The following CSMD1 variants were observed in gnomAD, a reference collection of about 807,000 sequenced individuals.
The protein encoded by CSMD1 is CUB and sushi domain-containing protein 1.
CSMD1 carries 213 observed loss-of-function variants against 417.5 expected under a neutral mutation model. The ratio of observed to expected loss-of-function variants is 0.51; its 90% confidence interval spans 0.46 to 0.57. CSMD1 has a LOEUF of 0.57. Ranked by LOEUF, CSMD1 falls within the 20% of genes least tolerant of loss-of-function variation. The probability of loss-of-function intolerance (pLI) is 0.00; values close to 1 mark genes in which losing one functional copy is unlikely to be tolerated. For synonymous variants in CSMD1, 2,862 were observed against 1,736.8 expected (o/e 1.65, Z -16.11); for missense variants, 6,923 against 4,529.7 (o/e 1.53, Z -15.17).
At chr8:4,202,624 T>C (rs577261504) in intron 3 of CSMD1, among the ~76,000 whole-genome samples, 1 of 152,212 alleles carries the variant, frequency 6.6e-6, no homozygotes, top group South Asian at 2.1e-4. Context: ...TCATGGTGGA[T>C]ATTGTAAATT....
At chr8:3,618,713 T>C (rs1802268992) in intron 7 of CSMD1, among the ~76,000 whole-genome samples, 1 of 151,894 alleles carries the variant, frequency 6.6e-6, no homozygotes, top group African/African-American at 2.4e-5. Context: ...TAAATGACAG[T>C]AAAAAAATCT....
intron 50 of CSMD1, among the ~76,000 whole-genome samples, chr8:3,044,403 G>A (rs940124150): frequency 6.6e-6 from 1 of 152,156 alleles, no homozygotes; most frequent in African/African-American, 2.4e-5. Context: ...ATCCTGTAGT[G>A]ACTTTGCTCA....
intron 37 of CSMD1, among the ~76,000 whole-genome samples, chr8:3,174,256 G>C (rs923182804): frequency 1.3e-5 from 2 of 152,240 alleles, no homozygotes; most frequent in African/African-American, 4.8e-5. Flanking sequence ...CACTTTGGGA[G>C]GCTGAGGTGC....
At chr8:4,297,113 A>C (rs1797728900) in intron 3 of CSMD1, among the ~76,000 whole-genome samples, 1 of 152,062 alleles carries the variant, frequency 6.6e-6, no homozygotes, top group Non-Finnish European at 1.5e-5. Flanking sequence ...TCGTAGGTGT[A>C]ATACGTTTTA....
chr8:3,712,927 T>C lies in CSMD1; in HGVS notation c.932-4436A>G, dbSNP rs1007108211. Reference sequence around the variant, plus strand: ...AGGAATAAGTTCAAGAGATCCCTGATACATCATTGTGACTGTAGTTAATAA... The same window carrying C: ...AGGAATAAGTTCAAGAGATCCCTGACACATCATTGTGACTGTAGTTAATAA... On this transcript the variant is annotated intron_variant, in intron 6 of 69. Transcript: ENST00000635120. 2.0e-5 allele frequency among the ~76,000 whole-genome samples: 3 copies of C among 152,250 alleles called. No individual in the cohort carries two copies. The East Asian group carries it at 5.8e-4, about 30-fold the overall frequency.
rs544130278 is a variant in CSMD1, at chr8:4,390,659, A to G, written c.415+29294T>C. On this transcript the variant is annotated intron_variant, in intron 3 of 69. Coordinates refer to ENST00000635120, the MANE Select transcript of CSMD1 (RefSeq NM_033225.6). Reference sequence around the variant, plus strand: ...CTCCCAAGGAGCTGGGACGACAGGCACCCCCCACCACGCCCGGCTAATTTT... The same window carrying G: ...CTCCCAAGGAGCTGGGACGACAGGCGCCCCCCACCACGCCCGGCTAATTTT... Among the ~76,000 whole-genome samples the G allele has an allele frequency of 4.6e-5, 7 of 151,588 alleles. No individual in the cohort carries two copies. The South Asian group carries it at 1.5e-3, about 32-fold the overall frequency.
At chr8:4,618,459 G>GTGAGTTAGATA (rs1563339387) in intron 2 of CSMD1, among the ~76,000 whole-genome samples, 1 of 152,042 alleles carries the variant, frequency 6.6e-6, no homozygotes. Flanking sequence ...GGGACCTAAG[G>GTGAGTTAGATA]CCTATTTTAT....
At chr8:3,593,513 C>T (rs972683118) in intron 8 of CSMD1, among the ~76,000 whole-genome samples, 3 of 152,178 alleles carry the variant, frequency 2.0e-5, no homozygotes, top group African/African-American at 7.2e-5. Context: ...AAAATGCCCT[C>T]TCCACAGCCC....
At position 4,370,921 on chromosome 8, in the gene CSMD1, A is replaced by T. The variant is rs185860644; in HGVS notation, c.415+49032T>A. On this transcript the variant is annotated intron_variant, in intron 3 of 69. Transcript: ENST00000635120. ...CCAGATTCTGAAGTCTATGTCTGACACACTTCAGCCATTTCAGTCTGGTTT... is the reference window on the plus strand; with the variant it reads ...CCAGATTCTGAAGTCTATGTCTGACTCACTTCAGCCATTTCAGTCTGGTTT... 2.5e-3 allele frequency among the ~76,000 whole-genome samples: 375 copies of T among 152,312 alleles called. 1 individual carries two copies. Among genetic ancestry groups the T allele is most frequent in the African/African-American group, 8.6e-3 (358 of 41,560 alleles).
At chr8:4,100,224 C>G (rs976590021) in intron 3 of CSMD1, among the ~76,000 whole-genome samples, 2 of 152,152 alleles carry the variant, frequency 1.3e-5, no homozygotes, top group Non-Finnish European at 2.9e-5. Context: ...TATATAGTCT[C>G]TAGCATACAG....
intron 4 of CSMD1, among the ~76,000 whole-genome samples, chr8:4,011,263 C>G (rs142546498): frequency 2.4e-3 from 373 of 152,276 alleles, no homozygotes; most frequent in Middle Eastern, 6.8e-3. Flanking sequence ...CAGTTTTCTT[C>G]TCTTTCAAAA....
At chr8:3,204,634 A>T (rs970437989) in intron 31 of CSMD1, among the ~76,000 whole-genome samples, 1 of 152,178 alleles carries the variant, frequency 6.6e-6, no homozygotes, top group African/African-American at 2.4e-5. Flanking sequence ...TCCCACACAC[A>T]AGTTTCTTAC....
chr8:3,640,131 T>G (rs1797235491), intron 7 of CSMD1, among the ~76,000 whole-genome samples: 1 of 152,196 alleles, frequency 6.6e-6, no homozygotes, highest in Non-Finnish European at 1.5e-5. Context: ...CCTGTCCCAC[T>G]TTTTCTTGCG....
intron 50 of CSMD1, 53 bp downstream of exon 50, chr8:3,052,409 A>G: frequency 6.9e-7 from 1 of 1,441,132 alleles, no homozygotes; most frequent in South Asian, 1.3e-5. Context: ...TCCCGAAAGC[A>G]TTCAGTTCCC....
rs181833171 is a variant in CSMD1, at chr8:4,877,823, G to A, written c.85+116509C>T. ...CTCAAATCTTTTCACTAACAGGCCC[G>A]TCTTCTTTGCCTTCAAGTGAAAATA... is the stretch of plus-strand genomic sequence containing the variant. On this transcript the variant is annotated intron_variant, in intron 1 of 69. Coordinates refer to ENST00000635120, the MANE Select transcript of CSMD1 (RefSeq NM_033225.6). Among the ~76,000 whole-genome samples, 6 of 152,124 alleles carry A rather than the reference G, an allele frequency of 3.9e-5. No homozygotes were observed. The East Asian group carries it at 7.7e-4, about 20-fold the overall frequency.
chr8:4,448,519 T>G (rs1034571681), intron 2 of CSMD1, among the ~76,000 whole-genome samples: 4 of 152,214 alleles, frequency 2.6e-5, no homozygotes, highest in Admixed American at 2.6e-4. Context: ...TTCAGATTAG[T>G]ACATAAGTTT....
At chr8:3,402,723 T>A (rs1215596743) in intron 15 of CSMD1, among the ~76,000 whole-genome samples, 1 of 152,228 alleles carries the variant, frequency 6.6e-6, no homozygotes, top group Non-Finnish European at 1.5e-5. Flanking sequence ...TAGTTCTTTT[T>A]ATCAGAATCA....
chr8:3,376,734 T>G (rs1167511810), intron 18 of CSMD1, among the ~76,000 whole-genome samples: 4 of 152,272 alleles, frequency 2.6e-5, no homozygotes, highest in African/African-American at 7.2e-5. Context: ...ACTGATGCTA[T>G]GCACCCAGCA....
chr8:4,059,547 A>T (rs980610149), intron 3 of CSMD1, among the ~76,000 whole-genome samples: 5 of 152,212 alleles, frequency 3.3e-5, no homozygotes, highest in African/African-American at 1.2e-4. Flanking sequence ...GACTGCTAGC[A>T]AGACTAATAA....
Sources: gnomAD v4.1 joint callset for allele counts (sites outside exome capture counted in the v4.1 genomes callset) on GRCh38, gnomAD v4.1.1 for gene constraint, MANE v1.5 for transcripts, NCBI Gene and HGNC (gene_info 2026-07-23, HGNC 2026-07-21) for gene names.